LTA: variants seen among roughly 807,000 people sequenced by gnomAD.
LTA encodes the protein lymphotoxin-alpha.
In LTA, 6 loss-of-function variants were observed where a neutral mutation model predicts 15.1. The ratio of observed to expected loss-of-function variants is 0.40; its 90% CI spans 0.22 to 0.78. The LOEUF (loss-of-function observed/expected upper bound fraction) is 0.78, where lower values mean the gene tolerates loss of function less well. Among genes scored for constraint, LTA ranks in the 30% least tolerant of loss-of-function variants. The pLI, the probability that LTA is intolerant of heterozygous loss-of-function variation, is 0.38. For synonymous variants in LTA, 87 were observed against 107.3 expected, an observed-to-expected ratio of 0.81 and a Z score of 1.17; for missense variants, 173 against 249.5, an observed-to-expected ratio of 0.69 and a Z score of 2.06.
At chr6:31,572,697 G>A (rs549670566) in intron 1 of LTA, 37 bp from the exon 2 acceptor site, 13 of 1,496,200 alleles carry the variant, frequency 8.7e-6, no homozygotes, top group South Asian at 3.4e-5. Flanking sequence ...GCCCCGCCCC[G>A]CTCACTGTCT....
At chr6:31,567,581 A>G (rs972468688), upstream of LTA, among the ~76,000 whole-genome samples, 4 of 96,742 alleles carry the variant, frequency 4.1e-5, no homozygotes, top group African/African-American at 1.9e-4. Flanking sequence ...AAAAAATCCA[A>G]TCACCTCTGC....
the LTA span, among the ~76,000 whole-genome samples, chr6:31,562,528 A>G: frequency 6.6e-6 from 1 of 152,154 alleles, no homozygotes; most frequent in South Asian, 2.1e-4. Context: ...TTTGTTGTTT[A>G]TTTTCAAGAA....
the LTA span, among the ~76,000 whole-genome samples, chr6:31,563,150 C>G: frequency 4.4e-4 from 67 of 152,004 alleles, no homozygotes; most frequent in African/African-American, 1.5e-3. Context: ...ACAGAGCAAG[C>G]CTATCCCAAA....
At chr6:31,573,181 C>T (rs761981235) in intron 3 of LTA, 100 bp from the exon 4 acceptor site, 6 of 1,293,960 alleles carry the variant, frequency 4.6e-6, no homozygotes, top group Non-Finnish European at 6.5e-6. Context: ...CCCCTGCCAT[C>T]CCCCAGGAAC....
intron 1 of LTA, 126 bp from the exon 2 acceptor site, chr6:31,572,608 G>C: frequency 1.5e-6 from 1 of 648,158 alleles, no homozygotes; most frequent in Non-Finnish European, 2.7e-6. Flanking sequence ...ACTGCATCTT[G>C]TCCCCTTCTC....
rs1183034517 is a variant in LTA, at chr6:31,573,038, A to G, written c.205+5A>G. Reference sequence around the variant, plus strand: ...AACCTGCTGCTCACCTCATTGGTAAACATCCACCTGACCTCCCAGACATGT... The same window carrying G: ...AACCTGCTGCTCACCTCATTGGTAAGCATCCACCTGACCTCCCAGACATGT... On this transcript the variant is annotated splice_donor_5th_base_variant and intron_variant, in intron 3 of 3. Coordinates refer to ENST00000418386, the MANE Select transcript of LTA (RefSeq NM_000595.4). 6.2e-7 allele frequency: 1 copy of G among 1,608,672 alleles called. No homozygotes were observed. The highest frequency in any genetic ancestry group is 8.5e-7 in the Non-Finnish European group (1 of 1,177,114).
chr6:31,561,878 T>C, the LTA span, among the ~76,000 whole-genome samples: 2 of 152,018 alleles, frequency 1.3e-5, no homozygotes, highest in African/African-American at 4.8e-5. Flanking sequence ...CAATGAAGGT[T>C]TGAGGTACCA....
At chr6:31,570,689 A>G (rs1472868638), upstream of LTA, among the ~76,000 whole-genome samples, 1 of 152,216 alleles carries the variant, frequency 6.6e-6, no homozygotes, top group Non-Finnish European at 1.5e-5. Flanking sequence ...GAATATATTG[A>G]TACAATAGAA....
chr6:31,573,753 C>G lies in LTA; in HGVS notation c.*60C>G. On this transcript the variant is annotated 3_prime_UTR_variant, in exon 4 of 4. Transcript: ENST00000418386. ...TTTCAAGACCTTCTCCCCATTCTGC[C>G]TCCATTCTGACCATTTCAGGGGTCG... 3.1e-6 allele frequency: 5 copies of G among 1,594,486 alleles called. No homozygotes were observed. The highest frequency in any genetic ancestry group is 4.3e-6 in the Non-Finnish European group (5 of 1,165,974).
chr6:31,572,641 CGGGG>C, intron 1 of LTA, 89 bp from the exon 2 acceptor site: 1 of 830,428 alleles, frequency 1.2e-6, no homozygotes, highest in Non-Finnish European at 2.0e-6. Flanking sequence ...TCTCGGGGGT[CGGGG>C]GGTGCTCTCT....
At chr6:31,568,212 G>A (rs1265370454), upstream of LTA, among the ~76,000 whole-genome samples, 1 of 152,150 alleles carries the variant, frequency 6.6e-6, no homozygotes, top group Non-Finnish European at 1.5e-5. The surrounding 1 kb of genome is among the most constrained non-coding windows in gnomAD (Gnocchi z 4.1). Context: ...TGCCCAGCAT[G>A]TGTTAGGCAC....
chr6:31,566,101 C>G, the LTA span, among the ~76,000 whole-genome samples: 1 of 151,750 alleles, frequency 6.6e-6, no homozygotes, highest in Non-Finnish European at 1.5e-5. Flanking sequence ...TCACTTGAAC[C>G]TGGGAGGTGG....
chr6:31,563,403 A>T, the LTA span, among the ~76,000 whole-genome samples: 1 of 152,242 alleles, frequency 6.6e-6, no homozygotes, highest in Non-Finnish European at 1.5e-5. Context: ...AGTGAAGAAC[A>T]TCAGAGGCAC....
chr6:31,566,865 G>A, the LTA span, among the ~76,000 whole-genome samples: 35 of 150,672 alleles, frequency 2.3e-4, 1 homozygote, highest in African/African-American at 7.1e-4. Flanking sequence ...GTTTGAACCC[G>A]GGCAGCAGAG....
At chr6:31,569,577 G>C (rs1049767137), upstream of LTA, among the ~76,000 whole-genome samples, 8 of 152,182 alleles carry the variant, frequency 5.3e-5, no homozygotes, top group African/African-American at 1.9e-4. Flanking sequence ...TGGGTCACCT[G>C]TGGTCAGGAA....
At chr6:31,569,530 C>T (rs930181217), upstream of LTA, among the ~76,000 whole-genome samples, 14 of 152,158 alleles carry the variant, frequency 9.2e-5, no homozygotes, top group African/African-American at 3.4e-4. Flanking sequence ...CAGTGGCTCA[C>T]GCCCATAATC....
chr6:31,564,886 C>T, the LTA span, among the ~76,000 whole-genome samples: 1 of 152,094 alleles, frequency 6.6e-6, no homozygotes, highest in African/African-American at 2.4e-5. Context: ...TGCACTCCAG[C>T]CTGGGTGACA....
chr6:31,570,467 C>G (rs2009658), upstream of LTA, among the ~76,000 whole-genome samples: 22,346 of 152,206 alleles, frequency 0.15, 1,725 homozygotes, highest in South Asian at 0.25. Flanking sequence ...AAAATCACAT[C>G]AGTAGCAGTA....
chr6:31,572,360 G>T lies in LTA; in HGVS notation c.-96G>T, dbSNP rs138435669. 3 of 344,642 alleles carry T rather than the reference G, an allele frequency of 8.7e-6. No individual in the cohort carries two copies. Among genetic ancestry groups the T allele is most frequent in the South Asian group, 1.0e-4 (2 of 19,146 alleles). The allele number at this position is 344,642 out of a possible 1,614,324, so 21.3% of individuals were successfully genotyped here. ...CCCGTGCTTCGTGCTTTGGACTACC[G>T]CCCAGCAGTGTCCTGCCCTCTGCCT... On this transcript the variant is annotated 5_prime_UTR_variant, in exon 1 of 4. Transcript: ENST00000418386.
Sources: gnomAD v4.1 joint callset for allele counts (sites outside exome capture counted in the v4.1 genomes callset) on GRCh38, gnomAD v4.1.1 for gene constraint, Gnocchi (gnomAD v3.1) non-coding constraint, MANE v1.5 for transcripts, NCBI Gene and HGNC (gene_info 2026-07-23, HGNC 2026-07-21) for gene names.